The following EYS variants were observed in gnomAD, a reference collection of about 807,000 sequenced individuals.
The protein encoded by EYS is EGF-like photoreceptor maintenance factor.
Under a neutral mutation model 282.1 loss-of-function variants are expected in EYS, and 250 were observed. The ratio of observed to expected loss-of-function variants is 0.89; its 90% CI spans 0.80 to 0.98. The LOEUF (loss-of-function observed/expected upper bound fraction) is 0.98, where lower values mean the gene tolerates loss of function less well. Ranked by LOEUF, EYS falls within the 50% of genes least tolerant of loss-of-function variation. The probability of loss-of-function intolerance (pLI) is 0.00; values close to 1 mark genes in which losing one functional copy is unlikely to be tolerated. For missense variants in EYS, 4,016 were observed against 3,709.0 expected, an observed-to-expected ratio of 1.08 and a Z score of -2.15; for synonymous variants, 1,355 against 1,282.9, an observed-to-expected ratio of 1.06 and a Z score of -1.20.
intron 22 of EYS, chr6:64,631,456 G>A (rs1370692991): frequency 2.0e-5 from 3 of 152,118 alleles, no homozygotes; most frequent in Admixed American, 6.6e-5. Context: ...AGACCTTCCT[G>A]AAAATCCTCC....
chr6:63,902,049 C>T (rs957355429), intron 35 of EYS, among the ~76,000 whole-genome samples: 2 of 152,078 alleles, frequency 1.3e-5, no homozygotes, highest in African/African-American at 2.4e-5. Context: ...CCCACCACCA[C>T]ACTTGGCTAA....
At chr6:63,793,588 C>T (rs1429557537) in intron 37 of EYS, among the ~76,000 whole-genome samples, 1 of 152,098 alleles carries the variant, frequency 6.6e-6, no homozygotes, top group Non-Finnish European at 1.5e-5. Flanking sequence ...AAATAAAAGA[C>T]ATTATGGTGA....
At chr6:65,243,331 C>A (rs1325530156) in intron 12 of EYS, among the ~76,000 whole-genome samples, 1 of 152,188 alleles carries the variant, frequency 6.6e-6, no homozygotes, top group Non-Finnish European at 1.5e-5. Flanking sequence ...CTACACTATA[C>A]TGTCAACTAT....
rs557925444 is a variant in EYS at position 65,702,992 on chromosome 6, C to T, written c.-448+4143G>A. Reference sequence around the variant, plus strand: ...TTCCACAATGTGAGTGAGCTTCATCCAATAACTTTAAGGCTTTTAGAGAAA... The same window carrying T: ...TTCCACAATGTGAGTGAGCTTCATCTAATAACTTTAAGGCTTTTAGAGAAA... On this transcript the variant is annotated intron_variant, in intron 1 of 42. Coordinates refer to ENST00000503581, the MANE Select transcript of EYS (RefSeq NM_001142800.2). 4.2e-4 allele frequency among the ~76,000 whole-genome samples: 64 copies of T among 152,186 alleles called. No individual in the cohort carries two copies. In the East Asian group the frequency reaches 0.012, roughly 28 times the overall value.
chr6:65,186,872 C>A (rs923275802), intron 12 of EYS, among the ~76,000 whole-genome samples: 1 of 151,674 alleles, frequency 6.6e-6, no homozygotes, highest in African/African-American at 2.4e-5. Flanking sequence ...GGATATATTT[C>A]TTCCATAAAT....
Position 63,981,866 on chromosome 6 carries a change from T to A in EYS, c.7055+2517A>T, listed in dbSNP as rs974444773. On this transcript the variant is annotated intron_variant, in intron 35 of 42. Transcript: ENST00000503581. ...ACTCTTTGTGTGTCTTGAATATACA[T>A]CTTTGATTTACAATTACCTTGGCTC... is the stretch of plus-strand genomic sequence containing the variant. 7.2e-5 allele frequency among the ~76,000 whole-genome samples: 11 copies of A among 151,884 alleles called. No individual in the cohort carries two copies. The East Asian group carries it at 7.8e-4, about 11-fold the overall frequency.
At chr6:65,059,808 TG>T (rs1485955858) in intron 12 of EYS, among the ~76,000 whole-genome samples, 1 of 152,084 alleles carries the variant, frequency 6.6e-6, no homozygotes, top group Admixed American at 6.6e-5. Context: ...ATACACTTTG[TG>T]GAGATTCCTA....
At chr6:65,384,288 C>A (rs1765720893) in intron 8 of EYS, 98 bp downstream of exon 8, 1 of 721,088 alleles carries the variant, frequency 1.4e-6, no homozygotes, top group African/African-American at 1.7e-5. Context: ...GGATATGTTT[C>A]TCTGGCTAAG....
rs143512531 is a variant in EYS at position 65,272,326 on chromosome 6, A to T, written c.2023+23537T>A. On this transcript the variant is annotated intron_variant, in intron 12 of 42. Transcript: ENST00000503581. ...ATTATGAGAGGAGAGTGTTCCCTTG[A>T]CTTTGACCCCCTTGACCTTGACCTT... Among the ~76,000 whole-genome samples the T allele has an allele frequency of 1.5e-4, 23 of 152,130 alleles. 1 individual carries two copies. Among genetic ancestry groups the T allele is most frequent in the African/African-American group, 5.1e-4 (21 of 41,518 alleles).
chr6:65,590,886 G>A (rs1448172750), intron 2 of EYS, among the ~76,000 whole-genome samples: 1 of 151,052 alleles, frequency 6.6e-6, no homozygotes, highest in African/African-American at 2.4e-5. Flanking sequence ...TTCAGTTGAT[G>A]GACACTTAGA....
intron 28 of EYS, among the ~76,000 whole-genome samples, chr6:64,433,354 A>G (rs2150461439): frequency 6.6e-6 from 1 of 152,150 alleles, no homozygotes; most frequent in Middle Eastern, 3.4e-3. Flanking sequence ...AAAAAATTTT[A>G]GCTGCAACAT....
At chr6:64,244,707 T>C (rs1766951311) in intron 30 of EYS, among the ~76,000 whole-genome samples, 1 of 152,214 alleles carries the variant, frequency 6.6e-6, no homozygotes, top group African/African-American at 2.4e-5. Context: ...TTTTAAGATA[T>C]ACTATCTTGC....
At chr6:63,931,700 A>T (rs1233596102) in intron 35 of EYS, among the ~76,000 whole-genome samples, 1 of 152,206 alleles carries the variant, frequency 6.6e-6, no homozygotes, top group African/African-American at 2.4e-5. Flanking sequence ...TTGATACACA[A>T]ATACAATGTA....
At chr6:65,559,977 T>G (rs1315414596) in intron 2 of EYS, among the ~76,000 whole-genome samples, 3 of 150,952 alleles carry the variant, frequency 2.0e-5, no homozygotes, top group African/African-American at 7.3e-5. Flanking sequence ...TTCAAACACT[T>G]TGAAGACATT....
At chr6:64,228,287 G>A (rs4482959) in intron 31 of EYS, among the ~76,000 whole-genome samples, 46,993 of 151,932 alleles carry the variant, frequency 0.31, 7,292 homozygotes, top group East Asian at 0.5. Flanking sequence ...TAATATTTAC[G>A]AATAAAATTT....
At chr6:64,497,823 C>G (rs1379646606) in intron 26 of EYS, among the ~76,000 whole-genome samples, 1 of 151,888 alleles carries the variant, frequency 6.6e-6, no homozygotes, top group Non-Finnish European at 1.5e-5. Flanking sequence ...ACTATCTTGA[C>G]AAAAGGAAGG....
At chr6:65,430,544 G>A (rs571737316) in intron 5 of EYS, among the ~76,000 whole-genome samples, 1 of 152,284 alleles carries the variant, frequency 6.6e-6, no homozygotes, top group Non-Finnish European at 1.5e-5. Flanking sequence ...TGTGGGGAAC[G>A]TGACATACAA....
At chr6:65,225,577 G>T (rs1766600612) in intron 12 of EYS, among the ~76,000 whole-genome samples, 1 of 151,776 alleles carries the variant, frequency 6.6e-6, no homozygotes, top group African/African-American at 2.4e-5. Context: ...GGCCAGGCAT[G>T]GTGGTGGGCA....
chr6:64,629,720 G>A (rs1188550567), intron 22 of EYS, among the ~76,000 whole-genome samples: 1 of 152,104 alleles, frequency 6.6e-6, no homozygotes, highest in Non-Finnish European at 1.5e-5. Flanking sequence ...TCAGTATGAT[G>A]ATCTTATATC....
Sources: gnomAD v4.1 joint callset for allele counts (sites outside exome capture counted in the v4.1 genomes callset) on GRCh38, gnomAD v4.1.1 for gene constraint, MANE v1.5 for transcripts, NCBI Gene and HGNC (gene_info 2026-07-23, HGNC 2026-07-21) for gene names.